The following WDR7 variants were observed in gnomAD, a reference collection of about 807,000 sequenced individuals.
WDR7 encodes the protein WD repeat domain 7.
Under a neutral mutation model 169.4 loss-of-function variants are expected in WDR7, and 46 were observed. The ratio of observed to expected loss-of-function variants is 0.27; its 90% CI spans 0.21 to 0.35. The LOEUF (loss-of-function observed/expected upper bound fraction) is 0.35. WDR7 is among the 10% of genes least tolerant of loss of function. The pLI is 1.00. For synonymous variants in WDR7, 612 were observed against 666.8 expected (o/e 0.92, Z 1.27); for missense variants, 1,534 against 1,859.3 (o/e 0.83, Z 3.22).
intron 16 of WDR7, 59 bp downstream of exon 16, chr18:56,759,012 G>A: frequency 7.3e-7 from 1 of 1,376,348 alleles, no homozygotes. Context: ...AACTGAGGAG[G>A]CATAGCTAAT....
intron 26 of WDR7, among the ~76,000 whole-genome samples, chr18:56,980,969 C>T (rs1008460908): frequency 6.6e-6 from 1 of 152,192 alleles, no homozygotes; most frequent in Non-Finnish European, 1.5e-5. Context: ...ATCTGATCTA[C>T]CCTTTTATAA....
chr18:56,927,827 C>A (rs1304387750), intron 22 of WDR7, among the ~76,000 whole-genome samples: 3 of 152,096 alleles, frequency 2.0e-5, no homozygotes, highest in South Asian at 2.1e-4. Context: ...AAATTTGAAT[C>A]AAAAATCATG....
Position 57,026,982 on chromosome 18 carries a change from A to C in WDR7, c.4270-22A>C, listed in dbSNP as rs773112532. ...AGGGAGAGGGCTGTTCAAGTGACAC[A>C]TGTGCTCTCCTGTCCCTCCAGATGA... On this transcript the variant is annotated intron_variant, in intron 27 of 27. Transcript: ENST00000254442. 6 of 1,608,140 alleles carry C rather than the reference A, an allele frequency of 3.7e-6. No homozygotes were observed. The Admixed American group carries it at 1.0e-4, about 27-fold the overall frequency.
intron 21 of WDR7, among the ~76,000 whole-genome samples, chr18:56,888,651 AT>A (rs2046228216): frequency 6.6e-6 from 1 of 152,172 alleles, no homozygotes; most frequent in Non-Finnish European, 1.5e-5. Flanking sequence ...TATTTATGAC[AT>A]TACCTTATAG....
intron 21 of WDR7, among the ~76,000 whole-genome samples, chr18:56,881,584 G>A (rs1294524922): frequency 6.6e-6 from 1 of 152,050 alleles, no homozygotes; most frequent in Non-Finnish European, 1.5e-5. Context: ...TGACTAATAT[G>A]TGCTGTAACT....
At chr18:56,851,467 C>T (rs1040789614) in intron 20 of WDR7, among the ~76,000 whole-genome samples, 2 of 152,106 alleles carry the variant, frequency 1.3e-5, no homozygotes, top group Non-Finnish European at 2.9e-5. Flanking sequence ...TTTGCTTTGC[C>T]TCCAGCTTAG....
At chr18:56,785,679 C>T (rs1260719335) in intron 19 of WDR7, among the ~76,000 whole-genome samples, 1 of 152,060 alleles carries the variant, frequency 6.6e-6, no homozygotes, top group Non-Finnish European at 1.5e-5. Flanking sequence ...TGGGCTGGGA[C>T]TAAGATGATA....
chr18:57,012,027 G>C (rs1204230624), intron 26 of WDR7, among the ~76,000 whole-genome samples: 17 of 152,172 alleles, frequency 1.1e-4, no homozygotes, highest in Admixed American at 1.1e-3. Context: ...CTGAGGACCA[G>C]GGAGGGAGGC....
rs565721799 is a variant in WDR7 at position 56,922,742 on chromosome 18, G to A, written c.3527-1180G>A. ...AGAAATTCAGAATCACTACTTTTCA[G>A]TGTATCCACTGACTCTTATCCTGGC... On this transcript the variant is annotated intron_variant, in intron 21 of 27. Coordinates refer to ENST00000254442, the MANE Select transcript of WDR7 (RefSeq NM_015285.3). 1.2e-3 allele frequency among the ~76,000 whole-genome samples: 184 copies of A among 152,202 alleles called. 1 individual carries two copies. Among genetic ancestry groups the A allele is most frequent in the African/African-American group, 4.3e-3 (177 of 41,548 alleles).
chr18:56,688,732 G>GA (rs200337025), intron 7 of WDR7, among the ~76,000 whole-genome samples: 43 of 143,736 alleles, frequency 3.0e-4, no homozygotes, highest in Admixed American at 4.2e-4. Flanking sequence ...CTGTCTTGGG[G>GA]AAAAAAAAAA....
chr18:56,758,492 GT>G (rs1254324667), intron 15 of WDR7, among the ~76,000 whole-genome samples: 1 of 152,144 alleles, frequency 6.6e-6, no homozygotes, highest in Non-Finnish European at 1.5e-5. Flanking sequence ...CTGTTTTCAG[GT>G]TTTTGGGTTG....
intron 26 of WDR7, among the ~76,000 whole-genome samples, chr18:56,985,673 A>G (rs1440271019): frequency 6.6e-6 from 1 of 151,802 alleles, no homozygotes; most frequent in Non-Finnish European, 1.5e-5. Context: ...TTTTTGTTTT[A>G]TATTGTTTTA....
chr18:56,818,664 G>A (rs965349426), intron 20 of WDR7, among the ~76,000 whole-genome samples: 6 of 152,126 alleles, frequency 3.9e-5, no homozygotes, highest in Non-Finnish European at 7.4e-5. Flanking sequence ...TTTTTGTGAG[G>A]GTTTAGAAGA....
intron 21 of WDR7, among the ~76,000 whole-genome samples, chr18:56,894,474 C>A (rs956897717): frequency 6.6e-6 from 1 of 152,048 alleles, no homozygotes; most frequent in Non-Finnish European, 1.5e-5. Context: ...AACTCCTTCA[C>A]TTCTTTCAAG....
intron 26 of WDR7, among the ~76,000 whole-genome samples, chr18:57,006,696 T>A (rs1432473766): frequency 1.3e-5 from 2 of 152,218 alleles, no homozygotes; most frequent in Non-Finnish European, 2.9e-5. Context: ...AAATATGAAT[T>A]GTGTGGCTAT....
intron 20 of WDR7, among the ~76,000 whole-genome samples, chr18:56,835,214 A>G (rs913037324): frequency 2.0e-5 from 3 of 152,250 alleles, no homozygotes; most frequent in Non-Finnish European, 4.4e-5. Context: ...TAGAATATCA[A>G]AAAATGTGCC....
At chr18:56,820,540 C>T (rs2045077275) in intron 20 of WDR7, among the ~76,000 whole-genome samples, 1 of 151,778 alleles carries the variant, frequency 6.6e-6, no homozygotes. Context: ...TATATCTTCC[C>T]ATTACTCATT....
intron 19 of WDR7, among the ~76,000 whole-genome samples, chr18:56,796,715 C>G (rs1369309307): frequency 1.3e-5 from 2 of 152,058 alleles, no homozygotes; most frequent in Non-Finnish European, 2.9e-5. Flanking sequence ...AATCCATGAA[C>G]TATGATCAGT....
chr18:56,939,530 AAT>A, intron 25 of WDR7, 137 bp downstream of exon 25: 2 of 524,532 alleles, frequency 3.8e-6, no homozygotes. Flanking sequence ...TTTCTAAAAC[AAT>A]ATGGGCAGGT....
Sources: gnomAD v4.1 joint callset for allele counts (sites outside exome capture counted in the v4.1 genomes callset) on GRCh38, gnomAD v4.1.1 for gene constraint, MANE v1.5 for transcripts, NCBI Gene and HGNC (gene_info 2026-07-23, HGNC 2026-07-21) for gene names.